The following NDUFAF6 variants were observed in gnomAD, a reference collection of about 807,000 sequenced individuals.
NDUFAF6 encodes the protein NADH dehydrogenase (ubiquinone) complex I, assembly factor 6.
NDUFAF6 carries 45 observed loss-of-function variants against 40.8 expected under a neutral mutation model. The ratio of observed to expected loss-of-function variants is 1.10; its 90% CI spans 0.87 to 1.42. The LOEUF is 1.42. Ranked by LOEUF, NDUFAF6 falls within the 40% of genes most tolerant of loss-of-function variation. NDUFAF6 has a pLI of 0.00. For missense variants in NDUFAF6, 435 were observed against 418.5 expected, an observed-to-expected ratio of 1.04 and a Z score of -0.34; for synonymous variants, 185 against 155.9, an observed-to-expected ratio of 1.19 and a Z score of -1.39.
intron 1 of NDUFAF6, chr8:94,929,924 C>CA (rs1210864485): frequency 6.5e-6 from 1 of 153,448 alleles, no homozygotes; most frequent in African/African-American, 2.4e-5. Flanking sequence ...ACCATACACA[C>CA]AGAATACATC....
chr8:94,895,908 T>A (rs1817503446), exon 1 of NDUFAF6: 1 of 153,382 alleles, frequency 6.5e-6, no homozygotes, highest in Non-Finnish European at 1.4e-5. Context: ...AGGGAAGGCA[T>A]TTCCAGCCCG....
rs565144775 is a variant in NDUFAF6, at chr8:94,908,180, G to T, written c.-936+12253G>T. ...TACACCATTGTGTGCCCAGTACCTC[G>T]CATTGTGCCTGGCCAGTGTTGGACA... On this transcript the variant is annotated intron_variant, in intron 1 of 14. Transcript: ENST00000396113. Among the ~76,000 whole-genome samples the T allele has an allele frequency of 4.1e-4, 62 of 152,244 alleles. 1 individual carries two copies. The highest frequency in any genetic ancestry group is 1.4e-3 in the African/African-American group (59 of 41,544).
intron 1 of NDUFAF6, among the ~76,000 whole-genome samples, chr8:95,027,198 A>G (rs1482788024): frequency 6.6e-6 from 1 of 152,156 alleles, no homozygotes; most frequent in Non-Finnish European, 1.5e-5. Context: ...TCTTGACTCT[A>G]GTGACTTATT....
intron 1 of NDUFAF6, among the ~76,000 whole-genome samples, chr8:94,899,018 A>G (rs1411064645): frequency 6.6e-6 from 1 of 152,226 alleles, no homozygotes; most frequent in Non-Finnish European, 1.5e-5. Context: ...ATTTAATGAA[A>G]CTTGCTTATC....
upstream of NDUFAF6, among the ~76,000 whole-genome samples, chr8:94,953,304 C>A (rs1822783677): frequency 6.6e-6 from 1 of 151,486 alleles, no homozygotes; most frequent in Non-Finnish European, 1.5e-5. Flanking sequence ...CGAGATCGCA[C>A]CATTGCACTC....
intron 5 of NDUFAF6, chr8:95,116,232 A>C (rs1475171326): frequency 6.6e-6 from 1 of 152,232 alleles, no homozygotes; most frequent in East Asian, 1.9e-4. Flanking sequence ...AACAGCTGGA[A>C]TATTCTCAGT....
chr8:95,008,752 G>GC (rs1441087674), intron 2 of NDUFAF6, among the ~76,000 whole-genome samples: 10 of 152,012 alleles, frequency 6.6e-5, no homozygotes, highest in Admixed American at 2.6e-4. Context: ...CAGGTGATCT[G>GC]CCCCCCTCAG....
intron 1 of NDUFAF6, among the ~76,000 whole-genome samples, chr8:94,932,898 T>C (rs563143561): frequency 6.6e-6 from 1 of 152,346 alleles, no homozygotes; most frequent in South Asian, 2.1e-4. Context: ...GAGTTTCCTG[T>C]GTACAAAAAG....
intron 1 of NDUFAF6, among the ~76,000 whole-genome samples, chr8:94,965,828 A>G (rs1261511806): frequency 5.3e-5 from 8 of 152,134 alleles, no homozygotes; most frequent in African/African-American, 1.9e-4. Context: ...GTAGGAGAGA[A>G]CTCAATGTAT....
At chr8:95,007,433 G>A (rs1827041922) in intron 2 of NDUFAF6, among the ~76,000 whole-genome samples, 2 of 152,096 alleles carry the variant, frequency 1.3e-5, no homozygotes, top group South Asian at 4.1e-4. Context: ...GGAGGCCAAG[G>A]CAGGAAGATC....
chr8:94,945,031 A>C (rs1821869595), intron 1 of NDUFAF6, among the ~76,000 whole-genome samples: 1 of 152,206 alleles, frequency 6.6e-6, no homozygotes, highest in Admixed American at 6.5e-5. Context: ...GTGCACATGA[A>C]CACTTGAAAT....
At chr8:94,963,029 G>C (rs1377357878) in intron 1 of NDUFAF6, among the ~76,000 whole-genome samples, 2 of 151,226 alleles carry the variant, frequency 1.3e-5, no homozygotes, top group Non-Finnish European at 2.9e-5. Context: ...GACCTCCACT[G>C]ATCCACCTGC....
chr8:95,005,554 A>ATATATATATATATATATATATATATAT lies in NDUFAF6; in HGVS notation c.-84+24581_-84+24582insTATATATATATATATATATATATATAT, dbSNP rs1554657858. ...ATATATATATATATATATATATATA[A>ATATATATATATATATATATATATATAT]AAAATATATTAACATAAATAATATA... On this transcript the variant is annotated intron_variant, in intron 2 of 9. Coordinates refer to the NDUFAF6 transcript ENST00000396111. Among the ~76,000 whole-genome samples the ATATATATATATATATATATATATATAT allele has an allele frequency of 6.5e-4, 75 of 115,332 alleles. 3 individuals are homozygous for ATATATATATATATATATATATATATAT. Among genetic ancestry groups the ATATATATATATATATATATATATATAT allele is most frequent in the African/African-American group, 2.4e-3 (63 of 26,770 alleles). 75.7% of individuals were successfully genotyped at this position (115,332 alleles called of 152,430 possible). A position where few individuals can be genotyped will look rare whatever the true frequency, so the allele number is the denominator to read the frequency against.
intron 2 of NDUFAF6, among the ~76,000 whole-genome samples, chr8:94,993,572 T>C (rs539133554): frequency 1.3e-5 from 2 of 152,308 alleles, no homozygotes; most frequent in South Asian, 4.1e-4. Flanking sequence ...GATGTTGCTA[T>C]AACCTCCTGG....
chr8:94,936,927 C>T (rs1821035818), intron 1 of NDUFAF6, among the ~76,000 whole-genome samples: 1 of 152,170 alleles, frequency 6.6e-6, no homozygotes, highest in African/African-American at 2.4e-5. Flanking sequence ...GCAAAAGAGA[C>T]AGACTACTGA....
intron 2 of NDUFAF6, among the ~76,000 whole-genome samples, chr8:94,997,828 G>A (rs1028660502): frequency 4.6e-5 from 7 of 152,204 alleles, no homozygotes; most frequent in African/African-American, 1.7e-4. Context: ...GAAGAACGTT[G>A]TTCTCTAAAC....
chr8:95,076,673 A>C (rs537404565), downstream of NDUFAF6, among the ~76,000 whole-genome samples: 1 of 152,230 alleles, frequency 6.6e-6, no homozygotes, highest in South Asian at 2.1e-4. Flanking sequence ...CGGGAGTTCG[A>C]GACCAGACTG....
intron 5 of NDUFAF6, chr8:95,116,163 CA>C (rs1280436719): frequency 1.3e-5 from 2 of 157,928 alleles, no homozygotes; most frequent in Non-Finnish European, 2.7e-5. Flanking sequence ...AAAACAAAAC[CA>C]AAAAAACGAA....
chr8:95,003,696 C>T (rs1826835661), intron 2 of NDUFAF6, among the ~76,000 whole-genome samples: 1 of 152,158 alleles, frequency 6.6e-6, no homozygotes, highest in Admixed American at 6.5e-5. Context: ...ATTCTTATCT[C>T]CTTTCTCCTT....
Sources: gnomAD v4.1 joint callset for allele counts (sites outside exome capture counted in the v4.1 genomes callset) on GRCh38, gnomAD v4.1.1 for gene constraint, MANE v1.5 for transcripts, NCBI Gene and HGNC (gene_info 2026-07-23, HGNC 2026-07-21) for gene names.